The following AFG1L variants were observed in gnomAD, a reference collection of about 807,000 sequenced individuals.
AFG1L encodes AFG1-like ATPase.
In AFG1L, 53 loss-of-function variants were observed where a neutral mutation model predicts 62.2. That is an observed-to-expected ratio of 0.85 (90% CI 0.68 to 1.07). The LOEUF is 1.07. Ranked by LOEUF, AFG1L falls within the 50% of genes least tolerant of loss-of-function variation. The pLI, the probability that AFG1L is intolerant of heterozygous loss-of-function variation, is 0.00. For missense variants in AFG1L, 555 were observed against 590.5 expected (o/e 0.94, Z 0.62); for synonymous variants, 228 against 210.3 (o/e 1.08, Z -0.73).
chr6:108,495,595 A>T (rs1773943941), intron 10 of AFG1L, among the ~76,000 whole-genome samples: 1 of 152,248 alleles, frequency 6.6e-6, no homozygotes, highest in South Asian at 2.1e-4. Context: ...GTCGATACCA[A>T]AGCAGACAAC....
chr6:108,296,299 GATATA>G (rs1399813543), intron 1 of AFG1L, among the ~76,000 whole-genome samples: 1 of 152,138 alleles, frequency 6.6e-6, no homozygotes, highest in Non-Finnish European at 1.5e-5. Context: ...AATAAATAAA[GATATA>G]ATGGAATATT....
intron 8 of AFG1L, among the ~76,000 whole-genome samples, chr6:108,475,506 A>C (rs1056749119): frequency 2.0e-5 from 3 of 152,164 alleles, no homozygotes; most frequent in Admixed American, 1.3e-4. Context: ...ATTGACATTT[A>C]CATTGGTTTG....
chr6:108,321,377 A>G (rs1363297662), intron 1 of AFG1L, among the ~76,000 whole-genome samples: 1 of 152,204 alleles, frequency 6.6e-6, no homozygotes, highest in African/African-American at 2.4e-5. Flanking sequence ...TCACCAACCC[A>G]GAAGTTCTCC....
intron 7 of AFG1L, among the ~76,000 whole-genome samples, chr6:108,425,477 T>C (rs1217632153): frequency 6.6e-6 from 1 of 151,992 alleles, no homozygotes; most frequent in African/African-American, 2.4e-5. Flanking sequence ...GAAACACTTA[T>C]CCCACCACCT....
intron 1 of AFG1L, among the ~76,000 whole-genome samples, chr6:108,298,212 G>A (rs938766197): frequency 2.7e-5 from 4 of 150,108 alleles, no homozygotes; most frequent in African/African-American, 9.8e-5. Context: ...TGTTTGAAGT[G>A]TTATAAGACT....
At chr6:108,371,445 A>G (rs13197531) in intron 6 of AFG1L, among the ~76,000 whole-genome samples, 1 of 152,048 alleles carries the variant, frequency 6.6e-6, no homozygotes, top group African/African-American at 2.4e-5. Context: ...GCCTGGTGGC[A>G]AGTGGTACTG....
chr6:108,479,060 T>G (rs1773233497), intron 10 of AFG1L, among the ~76,000 whole-genome samples: 1 of 152,220 alleles, frequency 6.6e-6, no homozygotes, highest in Non-Finnish European at 1.5e-5. Flanking sequence ...GGCATGATTA[T>G]GGCTCACTAC....
chr6:108,330,158 C>T (rs775064903), intron 2 of AFG1L, among the ~76,000 whole-genome samples: 78 of 150,026 alleles, frequency 5.2e-4, no homozygotes, highest in Non-Finnish European at 6.5e-4. Context: ...GCCTCCATCA[C>T]TGTAAGAAAT....
chr6:108,368,603 A>G lies in AFG1L; in HGVS notation c.748+2271A>G, dbSNP rs534628032. On this transcript the variant is annotated intron_variant, in intron 6 of 12. Coordinates refer to ENST00000368977, the MANE Select transcript of AFG1L (RefSeq NM_145315.5). Reference sequence around the variant, plus strand: ...TGAGCTTTTTAATATTAGATCTTCTATCTAGGTGGAAGTGAAACTTGTCTC... The same window carrying G: ...TGAGCTTTTTAATATTAGATCTTCTGTCTAGGTGGAAGTGAAACTTGTCTC... Among the ~76,000 whole-genome samples the G allele has an allele frequency of 5.3e-5, 8 of 152,312 alleles. No homozygotes were observed. In the South Asian group the frequency reaches 1.7e-3, roughly 32 times the overall value.
chr6:108,355,014 C>G (rs887978890), intron 3 of AFG1L, among the ~76,000 whole-genome samples: 1 of 152,014 alleles, frequency 6.6e-6, no homozygotes, highest in African/African-American at 2.4e-5. Flanking sequence ...AGAAGTGTTA[C>G]AATTGACAAT....
intron 8 of AFG1L, among the ~76,000 whole-genome samples, chr6:108,466,455 A>C (rs1369279759): frequency 6.6e-6 from 1 of 152,146 alleles, no homozygotes; most frequent in Non-Finnish European, 1.5e-5. Context: ...CCCTTACCCC[A>C]GTGGAACTAT....
intron 10 of AFG1L, among the ~76,000 whole-genome samples, chr6:108,485,711 C>T (rs1217313202): frequency 1.0e-5 from 1 of 100,262 alleles, no homozygotes; most frequent in Non-Finnish European, 1.8e-5. Context: ...TGTTCTTTTG[C>T]CCAGACTGGA....
At chr6:108,496,888 GT>G (rs552296693) in intron 10 of AFG1L, among the ~76,000 whole-genome samples, 2 of 151,716 alleles carry the variant, frequency 1.3e-5, no homozygotes, top group African/African-American at 4.8e-5. Flanking sequence ...TTTTCACTTA[GT>G]TTTTTTTATC....
Position 108,522,513 on chromosome 6 carries a change from A to G in AFG1L, c.*88A>G. On this transcript the variant is annotated 3_prime_UTR_variant, in exon 13 of 13. Coordinates refer to ENST00000368977, the MANE Select transcript of AFG1L (RefSeq NM_145315.5). ...TGGGACTTGAAGGAATCATTTTCTC[A>G]TCATTAATTATGCACTTTGTCCTCT... 7.1e-7 allele frequency: 1 copy of G among 1,405,434 alleles called. No homozygotes were observed. Among genetic ancestry groups the G allele is most frequent in the Non-Finnish European group, 9.7e-7 (1 of 1,032,328 alleles). 87.1% of individuals were successfully genotyped at this position (1,405,434 alleles called of 1,614,324 possible).
intron 8 of AFG1L, among the ~76,000 whole-genome samples, chr6:108,458,275 A>G (rs1407374668): frequency 1.3e-5 from 2 of 151,952 alleles, no homozygotes; most frequent in African/African-American, 2.4e-5. Context: ...CTCCAGTTAC[A>G]CTTATATTAG....
rs1562457435 is a variant in AFG1L at position 108,295,121 on chromosome 6, A to ACCCT, written c.42_43insCCCT (p.Ala15ProfsTer67). 6.2e-7 allele frequency: 1 copy of ACCCT among 1,611,446 alleles called. No individual in the cohort carries two copies. Among genetic ancestry groups the ACCCT allele is most frequent in the Non-Finnish European group, 8.5e-7 (1 of 1,179,962 alleles). ...CGCTCTTGGTTACCCTGCGCCCCTT[A>ACCCT]GCACAGAGCCCGCTGAGAGGGAGAT... On this transcript the variant is annotated frameshift_variant, in exon 1 of 13. Coordinates refer to ENST00000368977, the MANE Select transcript of AFG1L (RefSeq NM_145315.5). LOFTEE classifies it high-confidence loss of function.
At chr6:108,336,501 A>G (rs1249032293) in intron 2 of AFG1L, among the ~76,000 whole-genome samples, 1 of 152,190 alleles carries the variant, frequency 6.6e-6, no homozygotes, top group Non-Finnish European at 1.5e-5. Flanking sequence ...CTAGAATTTT[A>G]ATATCATAGG....
Position 108,301,445 on chromosome 6 carries a change from A to G in AFG1L, c.139+6227A>G, listed in dbSNP as rs562668458. Among the ~76,000 whole-genome samples, 46 of 152,314 alleles carry G rather than the reference A, an allele frequency of 3.0e-4. No homozygotes were observed. The South Asian group carries it at 9.3e-3, about 31-fold the overall frequency. On this transcript the variant is annotated intron_variant, in intron 1 of 12. Transcript: ENST00000368977. ...GAGAAACAAAGATCTATCTTCTGCA[A>G]CTTCTTCAGGCTGAATAGGGGCAAT...
intron 7 of AFG1L, among the ~76,000 whole-genome samples, chr6:108,443,950 TA>T: frequency 6.6e-6 from 1 of 152,162 alleles, no homozygotes; most frequent in East Asian, 1.9e-4. Flanking sequence ...GAATTGCCAT[TA>T]AGACAATTTT....
Sources: gnomAD v4.1 joint callset for allele counts (sites outside exome capture counted in the v4.1 genomes callset) on GRCh38, gnomAD v4.1.1 for gene constraint, MANE v1.5 for transcripts, NCBI Gene and HGNC (gene_info 2026-07-23, HGNC 2026-07-21) for gene names.